THSD4: variants seen among roughly 807,000 people sequenced by gnomAD.
THSD4 encodes the protein thrombospondin type-1 domain-containing protein 4.
Under a neutral mutation model 119.0 loss-of-function variants are expected in THSD4, and 69 were observed. The ratio of observed to expected loss-of-function variants is 0.58; its 90% confidence interval spans 0.48 to 0.71. The LOEUF is 0.71. THSD4 is among the 30% of genes least tolerant of loss of function. THSD4 has a pLI of 0.00. For synonymous variants in THSD4, 524 were observed against 540.4 expected (o/e 0.97, Z 0.42); for missense variants, 1,393 against 1,391.1 (o/e 1.00, Z -0.02).
At chr15:71,657,476 A>G (rs1303766731) in intron 7 of THSD4, among the ~76,000 whole-genome samples, 4 of 152,142 alleles carry the variant, frequency 2.6e-5, no homozygotes, top group Non-Finnish European at 5.9e-5. Flanking sequence ...GCTAAATATT[A>G]AGGTCTTGAA....
chr15:71,358,850 T>A (rs111998552), intron 6 of THSD4, among the ~76,000 whole-genome samples: 1,541 of 152,144 alleles, frequency 0.01, 10 homozygotes, highest in Middle Eastern at 0.017. Flanking sequence ...CTAATGGGGG[T>A]TGCCAAGAAG....
intron 6 of THSD4, among the ~76,000 whole-genome samples, chr15:71,381,748 G>C (rs2046231878): frequency 6.6e-6 from 1 of 152,152 alleles, no homozygotes; most frequent in African/African-American, 2.4e-5. Flanking sequence ...CTGAAATTAT[G>C]ACTGCTGCCG....
intron 1 of THSD4, among the ~76,000 whole-genome samples, chr15:71,138,479 G>A (rs1480803990): frequency 6.6e-6 from 1 of 152,170 alleles, no homozygotes; most frequent in Non-Finnish European, 1.5e-5. Flanking sequence ...GAAATCTGGA[G>A]GGAGTTGTCT....
At chr15:71,410,256 A>G (rs1343992917) in intron 6 of THSD4, among the ~76,000 whole-genome samples, 1 of 152,212 alleles carries the variant, frequency 6.6e-6, no homozygotes, top group Non-Finnish European at 1.5e-5. Context: ...TTCCTGGGAT[A>G]CAAAAGTGAA....
intron 8 of THSD4, among the ~76,000 whole-genome samples, chr15:71,681,546 G>A (rs544321490): frequency 1.3e-3 from 191 of 151,684 alleles, no homozygotes; most frequent in African/African-American, 4.2e-3. Context: ...GTGTGGTGGC[G>A]AGCCTATAAT....
chr15:71,582,781 C>T (rs879432970), intron 7 of THSD4, among the ~76,000 whole-genome samples: 2 of 152,094 alleles, frequency 1.3e-5, no homozygotes, highest in African/African-American at 4.8e-5. Flanking sequence ...TGGTATATCA[C>T]GTCTTGATTT....
At chr15:71,106,655 A>C (rs142827481) in intron 1 of THSD4, among the ~76,000 whole-genome samples, 1 of 152,252 alleles carries the variant, frequency 6.6e-6, no homozygotes, top group East Asian at 1.9e-4. Flanking sequence ...TATTGTATCA[A>C]CCATTATATC....
chr15:71,533,714 A>G (rs370898555), intron 7 of THSD4, among the ~76,000 whole-genome samples: 1 of 152,078 alleles, frequency 6.6e-6, no homozygotes, highest in Non-Finnish European at 1.5e-5. Flanking sequence ...GTAGGAGAAA[A>G]TTTAATCACA....
At position 71,637,728 on chromosome 15, in the gene THSD4, AT is replaced by A. The variant is rs199604356; in HGVS notation, c.1153-22788del. Among the ~76,000 whole-genome samples the A allele has an allele frequency of 3.9e-3, 563 of 144,478 alleles. 1 individual carries two copies. The highest frequency in any genetic ancestry group is 0.016 in the South Asian group (73 of 4,544). The allele number at this position is 144,478 out of a possible 152,430, so 94.8% of individuals were successfully genotyped here. A position where few individuals can be genotyped will look rare whatever the true frequency, so the allele number is the denominator to read the frequency against. On this transcript the variant is annotated intron_variant, in intron 7 of 17. Coordinates refer to ENST00000261862, the MANE Select transcript of THSD4 (RefSeq NM_024817.3). ...GTAGAGTGATGGTTGCACATTATGA[AT>A]TTTTTTTTTTTTTGAGACGGAGTTT...
At chr15:71,497,772 A>G (rs564577031) in intron 7 of THSD4, among the ~76,000 whole-genome samples, 186 of 152,262 alleles carry the variant, frequency 1.2e-3, no homozygotes, top group African/African-American at 4.4e-3. Flanking sequence ...CCTGTTTATC[A>G]ACATAAAGTT....
At chr15:71,656,072 C>T (rs1480912685) in intron 7 of THSD4, among the ~76,000 whole-genome samples, 2 of 152,106 alleles carry the variant, frequency 1.3e-5, no homozygotes, top group Non-Finnish European at 2.9e-5. Flanking sequence ...AGTGATTATA[C>T]CTAATGATTA....
chr15:71,281,449 A>G (rs910992543), intron 6 of THSD4, among the ~76,000 whole-genome samples: 3 of 152,218 alleles, frequency 2.0e-5, no homozygotes. Flanking sequence ...ACATTCTTGT[A>G]TTTGTGGATC....
At chr15:71,696,323 C>G (rs768528701) in intron 8 of THSD4, among the ~76,000 whole-genome samples, 1 of 152,080 alleles carries the variant, frequency 6.6e-6, no homozygotes, top group Non-Finnish European at 1.5e-5. Context: ...GGAGGAGGAA[C>G]CTCACTTTAT....
chr15:71,343,862 A>C (rs1314531254), intron 6 of THSD4, among the ~76,000 whole-genome samples: 1 of 151,226 alleles, frequency 6.6e-6, no homozygotes, highest in Non-Finnish European at 1.5e-5. Flanking sequence ...ACAGGCATGC[A>C]CCACCACACC....
intron 7 of THSD4, among the ~76,000 whole-genome samples, chr15:71,441,561 A>T (rs2047091718): frequency 6.6e-6 from 1 of 150,760 alleles, no homozygotes; most frequent in South Asian, 2.1e-4. Flanking sequence ...ACACCAGCTA[A>T]TTTTTGTATT....
chr15:71,245,057 G>C (rs1475559871), intron 5 of THSD4, among the ~76,000 whole-genome samples: 2 of 152,190 alleles, frequency 1.3e-5, no homozygotes, highest in Non-Finnish European at 2.9e-5. Context: ...CTGAGTGCTG[G>C]GGTAATGGCA....
rs1426020113 is a variant in THSD4 at position 71,780,770 on chromosome 15, T to A, written c.*3396T>A. ...TTCTTGGAGGGTTTTTTCTTTATTT[T>A]CTTATGTACTCATCTACTTATTCTC... On this transcript the variant is annotated 3_prime_UTR_variant, in exon 18 of 18. Coordinates refer to ENST00000261862, the MANE Select transcript of THSD4 (RefSeq NM_024817.3). 1 of 454,374 alleles carries A rather than the reference T, an allele frequency of 2.2e-6. No homozygotes were observed. Among genetic ancestry groups the A allele is most frequent in the East Asian group, 6.9e-5 (1 of 14,402 alleles). The allele number at this position is 454,374 out of a possible 1,614,324, so 28.1% of individuals were successfully genotyped here. A position where few individuals can be genotyped will look rare whatever the true frequency, so the allele number is the denominator to read the frequency against.
chr15:71,470,868 C>T (rs1465748020), intron 7 of THSD4, among the ~76,000 whole-genome samples: 1 of 151,972 alleles, frequency 6.6e-6, no homozygotes, highest in African/African-American at 2.4e-5. Flanking sequence ...ATCTCCTGAC[C>T]TCATGATCCA....
intron 7 of THSD4, among the ~76,000 whole-genome samples, chr15:71,624,753 C>A (rs1448014774): frequency 6.6e-6 from 1 of 152,142 alleles, no homozygotes; most frequent in Non-Finnish European, 1.5e-5. Context: ...GGCATGAAGT[C>A]ATCCTTCAAG....
Sources: allele counts gnomAD v4.1 joint callset (sites outside exome capture counted in the v4.1 genomes callset), GRCh38; gene constraint gnomAD v4.1.1; transcripts MANE v1.5; gene names NCBI Gene and HGNC (gene_info 2026-07-23, HGNC 2026-07-21).